Variants in MAP3K20 observed in about 807,000 individuals in gnomAD.
The protein encoded by MAP3K20 is mitogen-activated protein kinase kinase kinase 20, also known as HCCS-4.
In MAP3K20, 40 loss-of-function variants were observed where a neutral mutation model predicts 85.7. The ratio of observed to expected loss-of-function variants is 0.47; its 90% CI spans 0.36 to 0.61. The LOEUF (loss-of-function observed/expected upper bound fraction) is 0.61. Ranked by LOEUF, MAP3K20 falls within the 20% of genes least tolerant of loss-of-function variation. The pLI is 0.00. For synonymous variants in MAP3K20, 325 were observed against 327.7 expected, an observed-to-expected ratio of 0.99 and a Z score of 0.09; for missense variants, 817 against 961.7, an observed-to-expected ratio of 0.85 and a Z score of 1.99.
At chr2:173,161,413 A>G (rs1213090706) in intron 2 of MAP3K20, among the ~76,000 whole-genome samples, 1 of 152,216 alleles carries the variant, frequency 6.6e-6, no homozygotes, top group Non-Finnish European at 1.5e-5. Context: ...ACCTCCCGGC[A>G]TTTTACTCTT....
intron 19 of MAP3K20, among the ~76,000 whole-genome samples, chr2:173,264,502 A>G (rs900648844): frequency 2.0e-5 from 3 of 152,172 alleles, no homozygotes; most frequent in Admixed American, 1.3e-4. Flanking sequence ...AGTAAGGAAA[A>G]CTTTTCTAGA....
chr2:173,173,710 C>T (rs1054570141), intron 3 of MAP3K20, among the ~76,000 whole-genome samples: 1 of 152,042 alleles, frequency 6.6e-6, no homozygotes, highest in Non-Finnish European at 1.5e-5. Context: ...CAGACATTTG[C>T]GTAAATTTAT....
At chr2:173,139,531 A>C (rs1688907389) in intron 2 of MAP3K20, among the ~76,000 whole-genome samples, 1 of 152,166 alleles carries the variant, frequency 6.6e-6, no homozygotes, top group Non-Finnish European at 1.5e-5. Context: ...ACAACATTAA[A>C]ATTATACTCT....
Position 173,230,100 on chromosome 2 carries a change from G to A in MAP3K20, c.1032+367G>A, listed in dbSNP as rs191819591. ...GCCCGCCTCAGCCTCCCAAAGTGCTGGGATTATAGGTGTGAGCCACTGTGC... is the reference window on the plus strand; with the variant it reads ...GCCCGCCTCAGCCTCCCAAAGTGCTAGGATTATAGGTGTGAGCCACTGTGC... On this transcript the variant is annotated intron_variant, in intron 12 of 19. Transcript: ENST00000375213. Among the ~76,000 whole-genome samples the A allele has an allele frequency of 2.2e-3, 342 of 152,276 alleles. 6 individuals carry two copies. In the South Asian group the frequency reaches 0.055, roughly 25 times the overall value.
chr2:173,197,214 A>C lies in MAP3K20; in HGVS notation c.583-812A>C, dbSNP rs146174022. Reference sequence around the variant, plus strand: ...ACAGGGAAAAGTAACATAGTATACAAATCTCCATTACTCAGTGTTTCAAGA... The same window carrying C: ...ACAGGGAAAAGTAACATAGTATACACATCTCCATTACTCAGTGTTTCAAGA... On this transcript the variant is annotated intron_variant, in intron 7 of 19. Transcript: ENST00000375213. Among the ~76,000 whole-genome samples the C allele has an allele frequency of 1.4e-3, 217 of 152,316 alleles. 2 individuals are homozygous for C. The highest frequency in any genetic ancestry group is 5.0e-3 in the African/African-American group (208 of 41,570).
chr2:173,266,608 C>A lies in MAP3K20; in HGVS notation c.2261C>A (p.Ser754Ter). The change falls in exon 20 of 20, where the codon TCA becomes TAA. Residue 754 changes from serine to a stop codon, truncating the protein, a stop_gained. Transcript: ENST00000375213. LOFTEE classifies it low-confidence loss of function (END_TRUNC). Reference sequence around the variant, plus strand: ...ATGCCTTTGCACCCTGAGACTGACTCAAGAGCCAGTGAAGAGGACAGCAAA... The same window carrying A: ...ATGCCTTTGCACCCTGAGACTGACTAAAGAGCCAGTGAAGAGGACAGCAAA... ...PGMPLHPETD[S>*]RASEEDSKVS... 6.2e-7 allele frequency: 1 copy of A among 1,613,816 alleles called. No homozygotes were observed. The highest frequency in any genetic ancestry group is 1.1e-5 in the South Asian group (1 of 91,064).
intron 7 of MAP3K20, among the ~76,000 whole-genome samples, chr2:173,193,675 C>T (rs1690732769): frequency 6.6e-6 from 1 of 152,150 alleles, no homozygotes; most frequent in Admixed American, 6.5e-5. Context: ...TCCACATTGA[C>T]CCCATTTCTT....
intron 2 of MAP3K20, among the ~76,000 whole-genome samples, chr2:173,110,214 TATATATATATATATATATATATA>T (rs1559234919): frequency 2.9e-4 from 2 of 6,932 alleles, no homozygotes; most frequent in Non-Finnish European, 2.9e-4. Flanking sequence ...TATATATATA[TATATATATATATATATATATATA>T]TATATTTTTT....
chr2:173,116,673 C>A (rs1230091538), intron 2 of MAP3K20, among the ~76,000 whole-genome samples: 1 of 152,188 alleles, frequency 6.6e-6, no homozygotes, highest in Non-Finnish European at 1.5e-5. Context: ...TGCTTCTAAC[C>A]ATCATCAAGT....
At chr2:173,099,448 TG>T (rs1687567686) in intron 2 of MAP3K20, among the ~76,000 whole-genome samples, 1 of 152,080 alleles carries the variant, frequency 6.6e-6, no homozygotes, top group Non-Finnish European at 1.5e-5. Context: ...GTCTCCCAAG[TG>T]GCTGAGATTA....
At chr2:173,190,406 A>T (rs1690614418) in intron 5 of MAP3K20, among the ~76,000 whole-genome samples, 1 of 152,232 alleles carries the variant, frequency 6.6e-6, no homozygotes, top group Non-Finnish European at 1.5e-5. Context: ...GTTCCACAGC[A>T]TTATACATGG....
chr2:173,216,670 C>T (rs780128537), intron 10 of MAP3K20, among the ~76,000 whole-genome samples: 5 of 152,170 alleles, frequency 3.3e-5, no homozygotes, highest in Non-Finnish European at 5.9e-5. Flanking sequence ...CCTAAAGTGT[C>T]ATCTCAACCA....
At chr2:173,193,171 TA>T (rs1389663297) in intron 7 of MAP3K20, 1 of 152,234 alleles carries the variant, frequency 6.6e-6, no homozygotes, top group Non-Finnish European at 1.5e-5. Flanking sequence ...CATGTGTATA[TA>T]AATGTATATA....
At chr2:173,265,819 A>G (rs970531808) in intron 19 of MAP3K20, among the ~76,000 whole-genome samples, 5 of 152,226 alleles carry the variant, frequency 3.3e-5, no homozygotes, top group Admixed American at 3.3e-4. Flanking sequence ...AGTGTAAGTA[A>G]AGCCCATGGA....
At chr2:173,206,068 G>A (rs1380340408) in intron 9 of MAP3K20, among the ~76,000 whole-genome samples, 1 of 152,108 alleles carries the variant, frequency 6.6e-6, no homozygotes, top group African/African-American at 2.4e-5. Context: ...TTGGACATAT[G>A]TTTCTCTCTG....
At chr2:173,242,054 T>C (rs749103993) in intron 16 of MAP3K20, among the ~76,000 whole-genome samples, 1 of 152,230 alleles carries the variant, frequency 6.6e-6, no homozygotes, top group Non-Finnish European at 1.5e-5. Context: ...GTTTTCTTGA[T>C]TCCATGACAT....
At chr2:173,235,251 T>C (rs889364752) in intron 14 of MAP3K20, among the ~76,000 whole-genome samples, 1 of 152,218 alleles carries the variant, frequency 6.6e-6, no homozygotes, top group African/African-American at 2.4e-5. Context: ...GGGATCATAC[T>C]GGAGGGGCTA....
chr2:173,131,414 C>A (rs542882112), intron 2 of MAP3K20, among the ~76,000 whole-genome samples: 59 of 151,996 alleles, frequency 3.9e-4, no homozygotes, highest in Admixed American at 8.5e-4. Context: ...CTTAGGAATT[C>A]AACGATTTCA....
intron 16 of MAP3K20, among the ~76,000 whole-genome samples, chr2:173,258,141 C>T (rs1425934990): frequency 6.6e-6 from 1 of 152,158 alleles, no homozygotes; most frequent in Admixed American, 6.5e-5. Context: ...CTCACCCACC[C>T]CATAACTCCC....
Sources: allele counts gnomAD v4.1 joint callset (sites outside exome capture counted in the v4.1 genomes callset), GRCh38; gene constraint gnomAD v4.1.1; transcripts MANE v1.5; gene names NCBI Gene and HGNC (gene_info 2026-07-23, HGNC 2026-07-21).